Variants in MLLT10 observed in about 807,000 individuals in gnomAD.
MLLT10 encodes MLLT10 histone lysine methyltransferase DOT1L cofactor.
Under a neutral mutation model 129.1 loss-of-function variants are expected in MLLT10, and 30 were observed. The observed-to-expected ratio is 0.23, with a 90% CI of 0.17 to 0.32. The LOEUF (loss-of-function observed/expected upper bound fraction) is 0.32. Among genes scored for constraint, MLLT10 ranks in the 10% least tolerant of loss-of-function variants. The pLI, the probability that MLLT10 is intolerant of heterozygous loss-of-function variation, is 1.00. For missense variants in MLLT10, 1,119 were observed against 1,268.3 expected, an observed-to-expected ratio of 0.88 and a Z score of 1.79; for synonymous variants, 490 against 446.4, an observed-to-expected ratio of 1.10 and a Z score of -1.23.
At chr10:21,580,356 T>G (rs963614143) in intron 3 of MLLT10, among the ~76,000 whole-genome samples, 2 of 151,450 alleles carry the variant, frequency 1.3e-5, no homozygotes, top group African/African-American at 2.4e-5. Flanking sequence ...AATCTTACCA[T>G]CCTTATCACA....
chr10:21,713,437 T>G (rs2056286514), intron 13 of MLLT10, among the ~76,000 whole-genome samples: 6 of 152,252 alleles, frequency 3.9e-5, no homozygotes. Context: ...TTTATGGAAC[T>G]CTAATTGCTT....
Position 21,596,135 on chromosome 10 carries a change from A to T in MLLT10, c.405+695A>T, listed in dbSNP as rs1589146112. On this transcript the variant is annotated intron_variant, in intron 5 of 22. Coordinates refer to ENST00000307729, the MANE Select transcript of MLLT10 (RefSeq NM_001195626.3). ...CCTTTTTATTTTGTAATTAATATTT[A>T]TTTTAAAAACTTGAAAATACAGACA... 9.9e-5 allele frequency among the ~76,000 whole-genome samples: 15 copies of T among 152,254 alleles called. No homozygotes were observed. In the South Asian group the frequency reaches 3.1e-3, roughly 32 times the overall value.
intron 2 of MLLT10, among the ~76,000 whole-genome samples, chr10:21,538,449 C>T (rs2034491420): frequency 6.6e-6 from 1 of 152,022 alleles, no homozygotes; most frequent in Admixed American, 6.6e-5. Context: ...AGGTGTGAGC[C>T]ACTGCGCCTG....
At chr10:21,580,021 GT>G (rs572476982) in intron 3 of MLLT10, among the ~76,000 whole-genome samples, 58 of 141,516 alleles carry the variant, frequency 4.1e-4, no homozygotes, top group Non-Finnish European at 3.3e-4. Context: ...TTTTTTCTTT[GT>G]TTTTTTTTTT....
chr10:21,723,478 A>G (rs1045657267), intron 14 of MLLT10, among the ~76,000 whole-genome samples: 14 of 152,230 alleles, frequency 9.2e-5, no homozygotes, highest in Admixed American at 2.6e-4. Context: ...ATATATTGAT[A>G]TGTCACATAG....
At chr10:21,539,700 T>C (rs1178795664) in intron 3 of MLLT10, among the ~76,000 whole-genome samples, 3 of 151,478 alleles carry the variant, frequency 2.0e-5, no homozygotes, top group South Asian at 2.1e-4. Context: ...ACCCGGGAGG[T>C]AGAGGTTGCA....
intron 3 of MLLT10, among the ~76,000 whole-genome samples, chr10:21,542,954 G>C (rs561467129): frequency 6.6e-6 from 1 of 151,294 alleles, no homozygotes; most frequent in East Asian, 1.9e-4. Flanking sequence ...GTGACATTAA[G>C]GTTTTTTTTT....
intron 3 of MLLT10, among the ~76,000 whole-genome samples, chr10:21,560,802 C>T (rs1375741328): frequency 5.9e-5 from 9 of 152,124 alleles, no homozygotes; most frequent in Middle Eastern, 3.2e-3. Context: ...GGTATCTTGT[C>T]GTTTTGATTT....
intron 21 of MLLT10, 117 bp from the exon 22 acceptor site, chr10:21,739,913 T>C (rs774829541): frequency 3.0e-4 from 240 of 791,046 alleles, no homozygotes; most frequent in Admixed American, 6.9e-4. Context: ...GATGAGATAC[T>C]TGTTTTCTTT....
intron 5 of MLLT10, among the ~76,000 whole-genome samples, chr10:21,605,515 G>A (rs1004803207): frequency 5.3e-5 from 8 of 151,910 alleles, no homozygotes; most frequent in Non-Finnish European, 8.8e-5. Context: ...GCACTGTCAC[G>A]GTCACTGCAA....
chr10:21,596,665 A>C (rs948346793), intron 5 of MLLT10, among the ~76,000 whole-genome samples: 7 of 152,090 alleles, frequency 4.6e-5, no homozygotes, highest in Non-Finnish European at 7.4e-5. Context: ...AAATGTTTGA[A>C]AGAGTTTGAG....
At chr10:21,731,130 A>T in intron 17 of MLLT10, 76 bp downstream of exon 17, 4 of 1,326,444 alleles carry the variant, frequency 3.0e-6, no homozygotes, top group Non-Finnish European at 4.2e-6. Context: ...TGCAGAAGTC[A>T]CTTTTCATCC....
At chr10:21,681,452 C>T (rs980118897) in intron 12 of MLLT10, 76 bp downstream of exon 12, 22 of 971,872 alleles carry the variant, frequency 2.3e-5, no homozygotes, top group Non-Finnish European at 3.3e-5. Context: ...TATGCCACCT[C>T]GGAACCTCTA....
chr10:21,684,647 A>C (rs950719172), intron 13 of MLLT10, among the ~76,000 whole-genome samples: 3 of 152,198 alleles, frequency 2.0e-5, no homozygotes, highest in Non-Finnish European at 4.4e-5. Flanking sequence ...TCCCTTTTCT[A>C]GATGCTACTA....
At chr10:21,619,961 G>A (rs2045642842) in intron 8 of MLLT10, among the ~76,000 whole-genome samples, 2 of 143,822 alleles carry the variant, frequency 1.4e-5, no homozygotes. Context: ...CGCTTAGGCT[G>A]GAGTGTCGCC....
chr10:21,734,072 C>G lies in MLLT10; in HGVS notation c.2801C>G (p.Thr934Ser). 6 of 1,614,028 alleles carry G rather than the reference C, an allele frequency of 3.7e-6. No individual in the cohort carries two copies. The highest frequency in any genetic ancestry group is 5.1e-6 in the Non-Finnish European group (6 of 1,179,932). ...ATGTCCCAGAACCCTACCCCTCTCACCCACACAACCGTACCACCTAATGCA... is the reference window on the plus strand; with the variant it reads ...ATGTCCCAGAACCCTACCCCTCTCAGCCACACAACCGTACCACCTAATGCA... ...VTMSQNPTPL[T>S]HTTVPPNATH... The change falls in exon 20 of 23, where the codon ACC (threonine) becomes AGC (serine). Residue 934 changes from threonine (T) to serine (S), a missense_variant. By Grantham distance (58) the Thr-to-Ser change is moderately conservative. This residue lies in a region of MLLT10 where 1,004 missense variants were observed against 1,008.7 expected (regional missense o/e 1.00). Transcript: ENST00000307729.
At chr10:21,697,448 A>G (rs1420860744) in intron 13 of MLLT10, among the ~76,000 whole-genome samples, 1 of 152,202 alleles carries the variant, frequency 6.6e-6, no homozygotes, top group African/African-American at 2.4e-5. Context: ...CCTGGGCAAC[A>G]AGAGCAAGAC....
At chr10:21,628,769 C>T (rs1169722609) in intron 8 of MLLT10, among the ~76,000 whole-genome samples, 6 of 122,938 alleles carry the variant, frequency 4.9e-5, no homozygotes, top group African/African-American at 1.9e-4. Flanking sequence ...TTTTTTGACA[C>T]AGAGTCTCGC....
chr10:21,579,299 T>C (rs1393526248), intron 3 of MLLT10, among the ~76,000 whole-genome samples: 1 of 152,226 alleles, frequency 6.6e-6, no homozygotes, highest in Non-Finnish European at 1.5e-5. Flanking sequence ...TTTCCCTCTG[T>C]GTTTGCTGTT....
Sources: allele counts gnomAD v4.1 joint callset (sites outside exome capture counted in the v4.1 genomes callset), GRCh38; gene constraint gnomAD v4.1.1; regional missense constraint gnomAD v4.1.1; transcripts MANE v1.5; gene names NCBI Gene and HGNC (gene_info 2026-07-23, HGNC 2026-07-21).